Variants in SGMS1 observed in about 807,000 individuals in gnomAD.
SGMS1 encodes sphingomyelin synthase 1, also known as phosphatidylcholine:ceramide cholinephosphotransferase 1.
A neutral mutation model predicts 46.2 loss-of-function variants in SGMS1; 13 were observed. The observed-to-expected ratio is 0.28, with a 90% CI of 0.18 to 0.45. The LOEUF is 0.45. SGMS1 is among the 20% of genes least tolerant of loss of function. The pLI, the probability that SGMS1 is intolerant of heterozygous loss-of-function variation, is 1.00. For synonymous variants in SGMS1, 203 were observed against 187.8 expected (o/e 1.08, Z -0.66); for missense variants, 324 against 519.9 (o/e 0.62, Z 3.66).
intron 3 of SGMS1, among the ~76,000 whole-genome samples, chr10:50,482,781 ATGACCCATC>A (rs1274871755): frequency 5.3e-5 from 8 of 152,244 alleles, no homozygotes; most frequent in Admixed American, 3.3e-4. Context: ...ATAAAGAGTC[ATGACCCATC>A]TGTGCACTGT....
chr10:50,501,274 A>C (rs1221816980), intron 3 of SGMS1, among the ~76,000 whole-genome samples: 1 of 152,212 alleles, frequency 6.6e-6, no homozygotes, highest in Non-Finnish European at 1.5e-5. Context: ...AATTCTGAGG[A>C]ACAGAGAAAG....
chr10:50,399,945 C>T (rs1333626420), intron 6 of SGMS1, among the ~76,000 whole-genome samples: 1 of 151,180 alleles, frequency 6.6e-6, no homozygotes, highest in Non-Finnish European at 1.5e-5. Flanking sequence ...AGGAAAATGG[C>T]ATGAACCTAG....
intron 5 of SGMS1, among the ~76,000 whole-genome samples, chr10:50,442,343 G>A (rs757242803): frequency 2.7e-5 from 4 of 150,086 alleles, no homozygotes; most frequent in Admixed American, 1.3e-4. Context: ...CTCCCCCACC[G>A]CCCCCCTCTG....
At chr10:50,529,726 T>G (rs1837935857) in intron 2 of SGMS1, among the ~76,000 whole-genome samples, 1 of 152,134 alleles carries the variant, frequency 6.6e-6, no homozygotes, top group Non-Finnish European at 1.5e-5. Context: ...ATGCAAAAAT[T>G]TATCGTAGCA....
At chr10:50,423,049 G>T (rs1222945209) in intron 6 of SGMS1, among the ~76,000 whole-genome samples, 1 of 152,160 alleles carries the variant, frequency 6.6e-6, no homozygotes, top group African/African-American at 2.4e-5. Context: ...ACTACTCCAA[G>T]TATAAACAAG....
At chr10:50,495,823 G>C (rs1837610540) in intron 3 of SGMS1, among the ~76,000 whole-genome samples, 1 of 151,692 alleles carries the variant, frequency 6.6e-6, no homozygotes, top group Non-Finnish European at 1.5e-5. Context: ...GAACATGTTT[G>C]TATCTACATA....
At chr10:50,425,090 T>A (rs1849307631) in intron 6 of SGMS1, among the ~76,000 whole-genome samples, 1 of 151,970 alleles carries the variant, frequency 6.6e-6, no homozygotes, top group Admixed American at 6.6e-5. Context: ...TACTAAAAAG[T>A]CAAAAAATAA....
In SGMS1 at chr10:50,307,280, C is replaced by A. The variant is rs777249981; in HGVS notation, c.1104G>T (p.Val368=). 5 of 1,614,036 alleles carry A rather than the reference C, an allele frequency of 3.1e-6. No homozygotes were observed. Among genetic ancestry groups the A allele is most frequent in the South Asian group, 1.1e-5 (1 of 91,054 alleles). Residue 368 remains valine, a synonymous_variant, in exon 11 of 11, where the codon GTG becomes GTT. Coordinates refer to ENST00000361781, the MANE Select transcript of SGMS1 (RefSeq NM_147156.4). The surrounding 1 kb of genome is among the most constrained non-coding windows in gnomAD (Gnocchi z 4.2). ...EASQMNLLAR[V]WWYRPFQYFE... ...AGTACTGAAATGGCCTGTACCACCA[C>A]ACCCTGGCCAGGAGGTTCATCTGGG...
At chr10:50,464,635 T>C (rs1837308088) in intron 4 of SGMS1, among the ~76,000 whole-genome samples, 1 of 152,236 alleles carries the variant, frequency 6.6e-6, no homozygotes, top group African/African-American at 2.4e-5. Flanking sequence ...GGTTTCGCCA[T>C]GTTGGCCAGG....
At chr10:50,392,355 A>T (rs1401064182) in intron 6 of SGMS1, among the ~76,000 whole-genome samples, 2 of 152,216 alleles carry the variant, frequency 1.3e-5, no homozygotes, top group Non-Finnish European at 2.9e-5. Flanking sequence ...AATCAAAGCC[A>T]TGGTTTCTTT....
rs192463746 is a variant in SGMS1 at position 50,522,543 on chromosome 10, T to C, written c.-588-2622A>G. The stretch of plus-strand genomic sequence containing the variant: ...TTACTTTGCATGCTTCTTTCCATTA[T>C]AAGGTAAACAATTGGAGGGTGTTCA... On this transcript the variant is annotated intron_variant, in intron 2 of 10. Transcript: ENST00000361781. 3.0e-3 allele frequency among the ~76,000 whole-genome samples: 452 copies of C among 152,310 alleles called. 1 individual carries two copies. The highest frequency in any genetic ancestry group is 4.7e-3 in the Non-Finnish European group (322 of 68,022).
chr10:50,386,435 T>C (rs926812823), intron 6 of SGMS1, among the ~76,000 whole-genome samples: 1 of 152,212 alleles, frequency 6.6e-6, no homozygotes, highest in Non-Finnish European at 1.5e-5. Flanking sequence ...TAGCTTTTTC[T>C]ACAGGATACT....
chr10:50,378,525 A>T (rs1848552589), intron 6 of SGMS1, among the ~76,000 whole-genome samples: 1 of 152,228 alleles, frequency 6.6e-6, no homozygotes, highest in Non-Finnish European at 1.5e-5. Context: ...ATTCACAGCC[A>T]ACTACAGCAG....
intron 1 of SGMS1, among the ~76,000 whole-genome samples, chr10:50,621,038 T>A (rs1049426959): frequency 2.6e-5 from 4 of 152,044 alleles, no homozygotes; most frequent in African/African-American, 9.7e-5. Flanking sequence ...TAGCTGGGCT[T>A]AGTGGTGCGT....
chr10:50,599,486 T>C (rs567475118), intron 1 of SGMS1, among the ~76,000 whole-genome samples: 1 of 152,146 alleles, frequency 6.6e-6, no homozygotes, highest in East Asian at 1.9e-4. Flanking sequence ...TTTTTACTTG[T>C]CCTACTTAAG....
intron 9 of SGMS1, among the ~76,000 whole-genome samples, chr10:50,310,127 C>G (rs909894970): frequency 6.6e-6 from 1 of 152,142 alleles, no homozygotes; most frequent in Non-Finnish European, 1.5e-5. Context: ...TTAAGCACCC[C>G]CTGTGATCTG....
Position 50,423,974 on chromosome 10 carries a change from T to C in SGMS1, c.-232+9502A>G, listed in dbSNP as rs577627446. ...CACATTATTTTACATTTAATCCACA[T>C]ACAACACTGCAAGGCAGATATTAAC... On this transcript the variant is annotated intron_variant, in intron 6 of 10. Coordinates refer to ENST00000361781, the MANE Select transcript of SGMS1 (RefSeq NM_147156.4). Among the ~76,000 whole-genome samples the C allele has an allele frequency of 1.2e-3, 177 of 152,340 alleles. 2 individuals carry two copies. In the Middle Eastern group the frequency reaches 0.027, roughly 23 times the overall value.
intron 1 of SGMS1, among the ~76,000 whole-genome samples, chr10:50,599,964 A>G (rs1413869615): frequency 6.6e-6 from 1 of 152,214 alleles, no homozygotes; most frequent in Non-Finnish European, 1.5e-5. Flanking sequence ...AATATTCCCA[A>G]ACTGACCAAC....
rs570531417 is a variant in SGMS1 at position 50,568,293 on chromosome 10, C to T, written c.-589+21860G>A. On this transcript the variant is annotated intron_variant, in intron 2 of 10. Transcript: ENST00000361781. The stretch of plus-strand genomic sequence containing the variant: ...GCATCAAACAGAGCTTGAAAATAGC[C>T]ACCAAAAAAAGCTTGGTAAATGCAT... Among the ~76,000 whole-genome samples the T allele has an allele frequency of 2.0e-5, 3 of 152,184 alleles. No individual in the cohort carries two copies. The South Asian group carries it at 6.2e-4, about 32-fold the overall frequency.
Sources: allele counts gnomAD v4.1 joint callset (sites outside exome capture counted in the v4.1 genomes callset), GRCh38; gene constraint gnomAD v4.1.1; non-coding constraint Gnocchi (gnomAD v3.1); transcripts MANE v1.5; gene names NCBI Gene and HGNC (gene_info 2026-07-23, HGNC 2026-07-21).